The following MBTD1 variants were observed in gnomAD, a reference collection of about 807,000 sequenced individuals.
MBTD1 encodes the protein MBT domain-containing protein 1.
A neutral mutation model predicts 87.8 loss-of-function variants in MBTD1; 24 were observed. The observed-to-expected ratio is 0.27, with a 90% CI of 0.20 to 0.38. The LOEUF (loss-of-function observed/expected upper bound fraction) is 0.38. Among genes scored for constraint, MBTD1 ranks in the 10% least tolerant of loss-of-function variants. MBTD1 has a pLI of 1.00. For synonymous variants in MBTD1, 237 were observed against 248.6 expected (o/e 0.95, Z 0.44); for missense variants, 436 against 760.2 (o/e 0.57, Z 5.02).
At chr17:51,190,721 CAAAAAAAAAAAAAAA>C (rs1165717944) in intron 16 of MBTD1, among the ~76,000 whole-genome samples, 1 of 35,160 alleles carries the variant, frequency 2.8e-5, no homozygotes, top group African/African-American at 1.9e-4. Flanking sequence ...GACTCTGTCT[CAAAAAAAAAAAAAAA>C]AAAAAAAAAA....
intron 2 of MBTD1, among the ~76,000 whole-genome samples, chr17:51,242,573 T>C (rs1374556593): frequency 6.6e-6 from 1 of 152,218 alleles, no homozygotes; most frequent in Non-Finnish European, 1.5e-5. Flanking sequence ...TTCTTTTGGT[T>C]TTTAGTCTCC....
chr17:51,246,601 TAACA>T (rs150004741), intron 2 of MBTD1, among the ~76,000 whole-genome samples: 332 of 152,312 alleles, frequency 2.2e-3, no homozygotes, highest in African/African-American at 7.0e-3. Flanking sequence ...ATCACGTCAC[TAACA>T]AACAATCTTT....
At chr17:51,205,640 G>A (rs867753310) in intron 7 of MBTD1, among the ~76,000 whole-genome samples, 1 of 152,100 alleles carries the variant, frequency 6.6e-6, no homozygotes, top group Non-Finnish European at 1.5e-5. Flanking sequence ...AAAACGTGCT[G>A]TATGAAAGGG....
intron 2 of MBTD1, among the ~76,000 whole-genome samples, chr17:51,255,174 G>A (rs1008627631): frequency 4.6e-5 from 7 of 152,028 alleles, no homozygotes; most frequent in African/African-American, 1.2e-4. Context: ...CCAGCCACTC[G>A]GGAGGCTGAG....
chr17:51,179,484 T>TATA lies in MBTD1; in HGVS notation c.*1091_*1092insTAT, dbSNP rs60957699. The TATA allele has an allele frequency of 4.6e-3, 162 of 35,236 alleles. 1 individual carries two copies. Among genetic ancestry groups the TATA allele is most frequent in the African/African-American group, 0.011 (129 of 11,842 alleles). The allele number at this position is 35,236 out of a possible 1,614,324, so 2.2% of individuals were successfully genotyped here. A position where few individuals can be genotyped will look rare whatever the true frequency, so the allele number is the denominator to read the frequency against. On this transcript the variant is annotated 3_prime_UTR_variant, in exon 17 of 17. Transcript: ENST00000586178. ...ATCCTGAATACAATTAAAGACAATT[T>TATA]TATATATATATATATATATATATAT...
At chr17:51,188,887 G>A (rs2050671839) in intron 16 of MBTD1, among the ~76,000 whole-genome samples, 1 of 151,312 alleles carries the variant, frequency 6.6e-6, no homozygotes, top group South Asian at 2.1e-4. Flanking sequence ...AGCCTCCCGA[G>A]TGCTGGGATT....
intron 2 of MBTD1, among the ~76,000 whole-genome samples, chr17:51,234,718 A>G (rs1011165863): frequency 2.6e-5 from 4 of 152,196 alleles, no homozygotes; most frequent in Admixed American, 1.3e-4. Flanking sequence ...TTTGAGACGA[A>G]GTTTCGCTCT....
chr17:51,219,932 C>T (rs1185027538), intron 4 of MBTD1, among the ~76,000 whole-genome samples: 1 of 152,004 alleles, frequency 6.6e-6, no homozygotes, highest in Non-Finnish European at 1.5e-5. Context: ...AAGTACAAAG[C>T]GAGGACGATG....
chr17:51,202,647 G>GT, intron 10 of MBTD1, 54 bp downstream of exon 10: 1 of 1,323,640 alleles, frequency 7.6e-7, no homozygotes, highest in Non-Finnish European at 1.1e-6. Flanking sequence ...TAACCAACTA[G>GT]TATAATCAGC....
At chr17:51,251,517 TTTTCTC>T (rs1470044454) in intron 2 of MBTD1, 2 of 152,204 alleles carry the variant, frequency 1.3e-5, no homozygotes, top group South Asian at 2.1e-4. Flanking sequence ...TTTTTTCAGA[TTTTCTC>T]TTTCTGAGAG....
chr17:51,201,928 A>G (rs981425282), intron 11 of MBTD1, 94 bp downstream of exon 11: 1 of 855,066 alleles, frequency 1.2e-6, no homozygotes, highest in African/African-American at 1.7e-5. Flanking sequence ...TTAAGTGAAC[A>G]TATGTAATTG....
At chr17:51,235,292 T>C (rs1318895556) in intron 2 of MBTD1, among the ~76,000 whole-genome samples, 1 of 152,038 alleles carries the variant, frequency 6.6e-6, no homozygotes, top group Non-Finnish European at 1.5e-5. Context: ...TGTGCCATCA[T>C]ACCCAGCTAA....
At chr17:51,185,592 C>T (rs2050499803) in intron 16 of MBTD1, 1 of 152,186 alleles carries the variant, frequency 6.6e-6, no homozygotes, top group East Asian at 1.9e-4. Flanking sequence ...TAAACTAGAA[C>T]TCAAAACACA....
At chr17:51,198,264 A>T (rs1186015436) in intron 12 of MBTD1, among the ~76,000 whole-genome samples, 1 of 152,230 alleles carries the variant, frequency 6.6e-6, no homozygotes, top group African/African-American at 2.4e-5. Flanking sequence ...CCTCTTAGAC[A>T]GTAAAACTTT....
chr17:51,201,534 T>C (rs2051489177), intron 12 of MBTD1, 58 bp downstream of exon 12: 1 of 1,100,088 alleles, frequency 9.1e-7, no homozygotes, highest in Non-Finnish European at 1.3e-6. Flanking sequence ...ACTCCTTCTA[T>C]TAGCTTATAC....
chr17:51,255,973 C>A (rs1481666510), intron 2 of MBTD1, among the ~76,000 whole-genome samples: 1 of 152,128 alleles, frequency 6.6e-6, no homozygotes, highest in South Asian at 2.1e-4. Context: ...AAGTATTAGA[C>A]TTAACATTCC....
intron 2 of MBTD1, among the ~76,000 whole-genome samples, chr17:51,254,751 A>G (rs2054985279): frequency 1.3e-5 from 2 of 152,234 alleles, no homozygotes; most frequent in African/African-American, 2.4e-5. Context: ...AAAAATTCAC[A>G]TGAATAGGCT....
At chr17:51,234,378 GGA>G (rs1216090969) in intron 2 of MBTD1, among the ~76,000 whole-genome samples, 1 of 139,870 alleles carries the variant, frequency 7.1e-6, no homozygotes, top group Non-Finnish European at 1.5e-5. Flanking sequence ...GGGCCACAGA[GGA>G]GAGACTTTGT....
chr17:51,216,466 T>C (rs966713318), intron 6 of MBTD1, among the ~76,000 whole-genome samples: 43 of 152,344 alleles, frequency 2.8e-4, no homozygotes, highest in African/African-American at 9.6e-4. Context: ...TTATTTTAAA[T>C]GCTCTGTAAC....
Sources: gnomAD v4.1 joint callset for allele counts (sites outside exome capture counted in the v4.1 genomes callset) on GRCh38, gnomAD v4.1.1 for gene constraint, MANE v1.5 for transcripts, NCBI Gene and HGNC (gene_info 2026-07-23, HGNC 2026-07-21) for gene names.